Variants in MAN1A1 observed in about 807,000 individuals in gnomAD.
MAN1A1 encodes mannosyl-oligosaccharide 1,2-alpha-mannosidase IA.
MAN1A1 carries 29 observed loss-of-function variants against 70.8 expected under a neutral mutation model. The observed-to-expected ratio is 0.41, with a 90% CI of 0.31 to 0.56. MAN1A1 has a LOEUF of 0.56. Among genes scored for constraint, MAN1A1 ranks in the 20% least tolerant of loss-of-function variants. The pLI is 0.29. For missense variants in MAN1A1, 747 were observed against 841.3 expected, an observed-to-expected ratio of 0.89 and a Z score of 1.39; for synonymous variants, 349 against 330.1, an observed-to-expected ratio of 1.06 and a Z score of -0.62.
intron 2 of MAN1A1, among the ~76,000 whole-genome samples, chr6:119,310,995 C>T (rs775349423): frequency 6.6e-6 from 1 of 152,150 alleles, no homozygotes; most frequent in African/African-American, 2.4e-5. Flanking sequence ...CACGGGCGAA[C>T]GCATATGAGA....
At chr6:119,180,076 C>T in intron 12 of MAN1A1, 131 bp from the exon 13 acceptor site, 1 of 1,006,212 alleles carries the variant, frequency 9.9e-7, no homozygotes, top group East Asian at 2.5e-5. Flanking sequence ...TCAAATATAT[C>T]AAAACCCTGA....
chr6:119,259,126 T>C (rs1183476688), intron 5 of MAN1A1, among the ~76,000 whole-genome samples: 1 of 152,220 alleles, frequency 6.6e-6, no homozygotes, highest in Admixed American at 6.5e-5. Flanking sequence ...TCATGTCTGC[T>C]TTCTATAGTC....
chr6:119,179,812 T>A lies in MAN1A1; in HGVS notation c.*7A>T. On this transcript the variant is annotated 3_prime_UTR_variant, in exon 13 of 13. Coordinates refer to ENST00000368468, the MANE Select transcript of MAN1A1 (RefSeq NM_005907.4). ...GAATGGAGCAGAATAAAATATAAAA[T>A]GTCTTTTTATTCCTCTCTGATTTCA... 1 of 1,609,384 alleles carries A rather than the reference T, an allele frequency of 6.2e-7. No individual in the cohort carries two copies. The highest frequency in any genetic ancestry group is 8.5e-7 in the Non-Finnish European group (1 of 1,175,996).
intron 2 of MAN1A1, among the ~76,000 whole-genome samples, chr6:119,325,068 A>G (rs998811532): frequency 1.3e-5 from 2 of 152,210 alleles, no homozygotes; most frequent in African/African-American, 4.8e-5. Context: ...TAATAATCCT[A>G]AGACTCACAC....
At chr6:119,300,061 A>T (rs1186659581) in intron 4 of MAN1A1, among the ~76,000 whole-genome samples, 1 of 152,196 alleles carries the variant, frequency 6.6e-6, no homozygotes, top group Non-Finnish European at 1.5e-5. Flanking sequence ...TCATAAGTCA[A>T]GTGTTACTAA....
At chr6:119,341,974 T>C (rs1773605974) in intron 2 of MAN1A1, among the ~76,000 whole-genome samples, 1 of 152,106 alleles carries the variant, frequency 6.6e-6, no homozygotes, top group Non-Finnish European at 1.5e-5. Flanking sequence ...AAAAATTATT[T>C]ATTAGAAAAA....
At chr6:119,302,323 G>A (rs533753075) in intron 3 of MAN1A1, among the ~76,000 whole-genome samples, 1 of 151,602 alleles carries the variant, frequency 6.6e-6, no homozygotes, top group South Asian at 2.1e-4. Context: ...TTTCTTCTGA[G>A]TTATAAAAAT....
At position 119,349,082 on chromosome 6, in the gene MAN1A1, T is replaced by C. The variant is rs1374250518; in HGVS notation, c.-17A>G. The C allele has an allele frequency of 2.2e-5, 28 of 1,293,576 alleles. No individual in the cohort carries two copies. The highest frequency in any genetic ancestry group is 2.6e-5 in the Non-Finnish European group (27 of 1,020,360). The allele number at this position is 1,293,576 out of a possible 1,614,324, so 80.1% of individuals were successfully genotyped here. ...CACGGGCATCGCTCCCGCTGTCCAG[T>C]GGTCCGGCGCCGCGCCGCTCAGCAG... is the stretch of plus-strand genomic sequence containing the variant. On this transcript the variant is annotated 5_prime_UTR_variant, in exon 2 of 13. Transcript: ENST00000368468.
intron 2 of MAN1A1, among the ~76,000 whole-genome samples, chr6:119,347,166 C>T (rs1773751434): frequency 6.6e-6 from 1 of 152,148 alleles, no homozygotes; most frequent in South Asian, 2.1e-4. Context: ...GATCCAAGTC[C>T]ACTTTAACTT....
intron 2 of MAN1A1, among the ~76,000 whole-genome samples, chr6:119,329,672 T>C (rs1245821838): frequency 6.6e-6 from 1 of 152,202 alleles, no homozygotes; most frequent in East Asian, 1.9e-4. Context: ...GCTCCAACTG[T>C]GTGCTCAGCA....
intron 11 of MAN1A1, among the ~76,000 whole-genome samples, chr6:119,182,639 T>C (rs914883413): frequency 3.9e-5 from 6 of 152,144 alleles, no homozygotes; most frequent in African/African-American, 1.4e-4. Flanking sequence ...TCCTATTAAT[T>C]ATATGGTCAA....
Position 119,348,859 on chromosome 6 carries a change from G to A in MAN1A1, c.207C>T (p.Leu69=), listed in dbSNP as rs1773819018. The A allele has an allele frequency of 1.3e-6, 2 of 1,526,568 alleles. No homozygotes were observed. Among genetic ancestry groups the A allele is most frequent in the Admixed American group, 2.1e-5 (1 of 48,280 alleles). 94.6% of individuals were successfully genotyped at this position (1,526,568 alleles called of 1,614,324 possible). ...GGCTGGAGTGGAACAGGACCCCGCTGAGCAGCTTGGAGGAGTCTGGCAGGA... is the reference window on the plus strand; with the variant it reads ...GGCTGGAGTGGAACAGGACCCCGCTAAGCAGCTTGGAGGAGTCTGGCAGGA... ...IFFLPDSSKL[L]SGVLFHSSPA... is the part of the protein sequence containing the mutation. The change falls in exon 2 of 13, where the codon CTC becomes CTT. Residue 69 remains leucine, a synonymous_variant. Transcript: ENST00000368468.
chr6:119,304,994 C>A (rs1282865526), intron 3 of MAN1A1, among the ~76,000 whole-genome samples: 1 of 151,978 alleles, frequency 6.6e-6, no homozygotes, highest in African/African-American at 2.4e-5. Flanking sequence ...TAACAAGTTC[C>A]ATTGTATTGG....
At chr6:119,335,630 A>G (rs925939714) in intron 2 of MAN1A1, among the ~76,000 whole-genome samples, 15 of 152,206 alleles carry the variant, frequency 9.9e-5, no homozygotes, top group Non-Finnish European at 1.5e-5. Context: ...CAGGCCAAAG[A>G]TAGAAATAAT....
intron 3 of MAN1A1, among the ~76,000 whole-genome samples, chr6:119,303,578 C>G (rs928097168): frequency 6.6e-6 from 1 of 152,148 alleles, no homozygotes; most frequent in Non-Finnish European, 1.5e-5. Flanking sequence ...CTCCTTCACC[C>G]CATGAACATT....
intron 8 of MAN1A1, among the ~76,000 whole-genome samples, chr6:119,199,467 T>C (rs1582689478): frequency 1.3e-5 from 2 of 152,364 alleles, no homozygotes; most frequent in South Asian, 2.1e-4. Flanking sequence ...GAGTGATTTA[T>C]GAGTATTTTC....
intron 6 of MAN1A1, among the ~76,000 whole-genome samples, chr6:119,218,585 T>A (rs1774270817): frequency 6.6e-6 from 1 of 152,022 alleles, no homozygotes; most frequent in African/African-American, 2.4e-5. Context: ...AAAAACTTGA[T>A]TCCAGGCTGG....
At chr6:119,234,572 C>T (rs1774787557) in intron 6 of MAN1A1, among the ~76,000 whole-genome samples, 1 of 151,992 alleles carries the variant, frequency 6.6e-6, no homozygotes, top group Non-Finnish European at 1.5e-5. Flanking sequence ...TGCCACCATG[C>T]CCGGCTAATT....
At chr6:119,297,345 G>A (rs1562231101) in intron 4 of MAN1A1, among the ~76,000 whole-genome samples, 1 of 152,144 alleles carries the variant, frequency 6.6e-6, no homozygotes, top group African/African-American at 2.4e-5. Context: ...TCAGGAAGTA[G>A]GATAAGATGG....
Sources: gnomAD v4.1 joint callset for allele counts (sites outside exome capture counted in the v4.1 genomes callset) on GRCh38, gnomAD v4.1.1 for gene constraint, MANE v1.5 for transcripts, NCBI Gene and HGNC (gene_info 2026-07-23, HGNC 2026-07-21) for gene names.